Variants in ABCA6 observed in about 807,000 individuals in gnomAD.
The protein encoded by ABCA6 is ATP-binding cassette sub-family A member 6.
Under a neutral mutation model 191.2 loss-of-function variants are expected in ABCA6, and 164 were observed. The observed-to-expected ratio is 0.86, with a 90% CI of 0.76 to 0.98. The LOEUF (loss-of-function observed/expected upper bound fraction) is 0.98, where lower values mean the gene tolerates loss of function less well. ABCA6 is among the 50% of genes least tolerant of loss of function. The probability of loss-of-function intolerance (pLI) is 0.00; values close to 1 mark genes in which losing one functional copy is unlikely to be tolerated. For synonymous variants in ABCA6, 636 were observed against 647.7 expected (o/e 0.98, Z 0.27); for missense variants, 1,958 against 1,894.1 (o/e 1.03, Z -0.63).
intron 2 of ABCA6, 24 bp downstream of exon 2, chr17:69,140,584 A>C: frequency 2.6e-6 from 4 of 1,533,616 alleles, no homozygotes; most frequent in Non-Finnish European, 3.6e-6. Flanking sequence ...CTAACCGTGG[A>C]AAGAGACAAA....
chr17:69,137,559 A>C, intron 2 of ABCA6, 59 bp from the exon 3 acceptor site: 14 of 1,486,088 alleles, frequency 9.4e-6, no homozygotes, highest in South Asian at 1.2e-5. Context: ...TAAAGATCTC[A>C]GTTAATACAA....
At chr17:69,103,044 C>G in intron 20 of ABCA6, 76 bp from the exon 21 acceptor site, 1 of 871,578 alleles carries the variant, frequency 1.1e-6, no homozygotes, top group Non-Finnish European at 1.7e-6. Context: ...AAGTCATATA[C>G]ATAATTAAAG....
At chr17:69,101,634 G>A (rs1203303650) in intron 21 of ABCA6, among the ~76,000 whole-genome samples, 4 of 150,970 alleles carry the variant, frequency 2.6e-5, no homozygotes, top group African/African-American at 9.7e-5. Context: ...GCAAAGGAAT[G>A]CTGGCCTTCT....
At position 69,140,654 on chromosome 17, in the gene ABCA6, C is replaced by T. The variant is rs374718852; in HGVS notation, c.50G>A (p.Cys17Tyr). The change falls in exon 2 of 39, where the codon TGC becomes TAC. Residue 17 changes from cysteine to tyrosine, a missense_variant. Physicochemically the swap from Cys to Tyr is radical, Grantham distance 194. Coordinates refer to ENST00000284425, the MANE Select transcript of ABCA6 (RefSeq NM_080284.3). ...SVYQQTKALL[C>Y]KNFLKKWRMK... ...CCTCCATTTCTTAAGAAAATTCTTGCACAGAAGTGCTTTGGTTTGCTGATA... is the reference window on the plus strand; with the variant it reads ...CCTCCATTTCTTAAGAAAATTCTTGTACAGAAGTGCTTTGGTTTGCTGATA... 3 of 1,600,530 alleles carry T rather than the reference C, an allele frequency of 1.9e-6. No individual in the cohort carries two copies. The highest frequency in any genetic ancestry group is 1.3e-5 in the African/African-American group (1 of 74,296).
chr17:69,091,277 C>A lies in ABCA6; in HGVS notation c.3409-15G>T. On this transcript the variant is annotated splice_polypyrimidine_tract_variant and intron_variant, in intron 25 of 38. Coordinates refer to ENST00000284425, the MANE Select transcript of ABCA6 (RefSeq NM_080284.3). ...ATGGTGGAGGCCTACAAGGCAAGTT[C>A]AAATATATTGTATCAGACATACTCA... The A allele has an allele frequency of 6.2e-7, 1 of 1,607,612 alleles. No individual in the cohort carries two copies. Among genetic ancestry groups the A allele is most frequent in the South Asian group, 1.1e-5 (1 of 90,290 alleles).
intron 8 of ABCA6, 77 bp downstream of exon 8, chr17:69,128,526 AAGCTCTTAGTTTGAGT>A: frequency 1.1e-6 from 1 of 890,006 alleles, no homozygotes; most frequent in Non-Finnish European, 1.6e-6. Flanking sequence ...TTTAGAATAA[AAGCTCTTAGTTTGAGT>A]AGTGCTGATC....
chr17:69,084,681 T>A (rs1417504467), intron 32 of ABCA6, among the ~76,000 whole-genome samples, 174 bp from the exon 33 acceptor site: 1 of 152,070 alleles, frequency 6.6e-6, no homozygotes, highest in Admixed American at 6.5e-5. Context: ...TTTTTTTTTT[T>A]TTTGCCTCAT....
chr17:69,098,640 A>AAAT, intron 22 of ABCA6: 1 of 151,426 alleles, frequency 6.6e-6, no homozygotes, highest in East Asian at 1.9e-4. Flanking sequence ...AAAAAAAAAA[A>AAAT]AAAAAAAGAA....
chr17:69,122,564 C>T (rs1007527725), intron 10 of ABCA6, among the ~76,000 whole-genome samples: 1 of 151,982 alleles, frequency 6.6e-6, no homozygotes, highest in African/African-American at 2.4e-5. Flanking sequence ...TCCAAGAGTA[C>T]ACATCAAATG....
At chr17:69,085,519 CAAAAA>C in intron 31 of ABCA6, 101 bp downstream of exon 31, 179 of 472,396 alleles carry the variant, frequency 3.8e-4, no homozygotes, top group South Asian at 8.1e-4. Context: ...TATCCAAAGG[CAAAAA>C]AAAAAAAAAA....
At chr17:69,101,630 G>A (rs566018714) in intron 21 of ABCA6, among the ~76,000 whole-genome samples, 1 of 151,376 alleles carries the variant, frequency 6.6e-6, no homozygotes, top group Admixed American at 6.6e-5. Context: ...AGCAGCAAAG[G>A]AATGCTGGCC....
At position 69,140,669 on chromosome 17, in the gene ABCA6, G is replaced by A. The variant is rs941934648; in HGVS notation, c.35C>T (p.Thr12Ile). 8.1e-6 allele frequency: 13 copies of A among 1,599,716 alleles called. No homozygotes were observed. Among genetic ancestry groups the A allele is most frequent in the East Asian group, 2.3e-5 (1 of 43,950 alleles). The change falls in exon 2 of 39, where the codon ACC becomes ATC. Residue 12 changes from threonine (T) to isoleucine (I), a missense_variant. Physicochemically the swap from Thr to Ile is moderately conservative, Grantham distance 89 (BLOSUM62 -1). Coordinates refer to ENST00000284425, the MANE Select transcript of ABCA6 (RefSeq NM_080284.3). ...NMKQKSVYQQ[T>I]KALLCKNFLK... ...AAAATTCTTGCACAGAAGTGCTTTG[G>A]TTTGCTGATACACGCTTTTCTGTTT...
At chr17:69,134,271 G>C (rs887773405) in intron 5 of ABCA6, among the ~76,000 whole-genome samples, 1 of 152,126 alleles carries the variant, frequency 6.6e-6, no homozygotes, top group Non-Finnish European at 1.5e-5. Flanking sequence ...ATGGTATTAG[G>C]AGGGAGAGCC....
chr17:69,122,616 T>C (rs1268891987), intron 10 of ABCA6, among the ~76,000 whole-genome samples: 1 of 151,982 alleles, frequency 6.6e-6, no homozygotes, highest in Non-Finnish European at 1.5e-5. Context: ...TGATTCAGAA[T>C]TTCTTACTTC....
chr17:69,117,775 GTTA>G (rs1568024420), intron 11 of ABCA6, 120 bp downstream of exon 11: 5 of 661,780 alleles, frequency 7.6e-6, no homozygotes, highest in Middle Eastern at 4.2e-4. Context: ...AAGTGATAGC[GTTA>G]TTTATATTCT....
chr17:69,123,639 G>A (rs1163696285), intron 9 of ABCA6, among the ~76,000 whole-genome samples: 1 of 151,934 alleles, frequency 6.6e-6, no homozygotes, highest in Non-Finnish European at 1.5e-5. Context: ...TTTCAACAAA[G>A]TATAAATAGA....
At chr17:69,113,445 T>A (rs1417711841) in intron 14 of ABCA6, 85 bp from the exon 15 acceptor site, 1 of 1,516,132 alleles carries the variant, frequency 6.6e-7, no homozygotes, top group Non-Finnish European at 8.9e-7. Context: ...ATAAATACCA[T>A]AAAATAATAA....
At chr17:69,104,628 C>T (rs575758907) in intron 20 of ABCA6, 1 of 141,946 alleles carries the variant, frequency 7.0e-6, no homozygotes, top group South Asian at 2.2e-4. Context: ...CATAAAAGTT[C>T]CTTCTTCAAA....
chr17:69,114,854 A>G lies in ABCA6; in HGVS notation c.1690T>C (p.Phe564Leu). Reference protein sequence around the residue: ...IRKITGVCPQFNVQFDILTVK... With the variant: ...IRKITGVCPQLNVQFDILTVK... ...GTGAGTATGTCAAATTGAACATTGA[A>G]TTGAGGACAGACGCCAGTTATCTTT... Residue 564 changes from phenylalanine (F) to leucine (L), a missense_variant, in exon 13 of 39, where the codon TTC becomes CTC. By Grantham distance (22) the Phe-to-Leu change is conservative. Transcript: ENST00000284425. The G allele has an allele frequency of 6.2e-7, 1 of 1,612,794 alleles. No homozygotes were observed. The highest frequency in any genetic ancestry group is 8.5e-7 in the Non-Finnish European group (1 of 1,179,206).
Sources: allele counts gnomAD v4.1 joint callset (sites outside exome capture counted in the v4.1 genomes callset), GRCh38; gene constraint gnomAD v4.1.1; transcripts MANE v1.5; gene names NCBI Gene and HGNC (gene_info 2026-07-23, HGNC 2026-07-21).